BABAM2: variants seen among roughly 807,000 people sequenced by gnomAD.
BABAM2 encodes the protein BRISC and BRCA1 A complex member 2.
BABAM2 carries 31 observed loss-of-function variants against 54.7 expected under a neutral mutation model. The ratio of observed to expected loss-of-function variants is 0.57; its 90% CI spans 0.43 to 0.77. The LOEUF (loss-of-function observed/expected upper bound fraction) is 0.77, where lower values mean the gene tolerates loss of function less well. Ranked by LOEUF, BABAM2 falls within the 30% of genes least tolerant of loss-of-function variation. The pLI, the probability that BABAM2 is intolerant of heterozygous loss-of-function variation, is 0.00. For synonymous variants in BABAM2, 167 were observed against 162.9 expected (o/e 1.03, Z -0.19); for missense variants, 364 against 455.8 (o/e 0.80, Z 1.83).
chr2:28,178,103 A>G (rs1289538115), intron 7 of BABAM2, among the ~76,000 whole-genome samples: 1 of 152,144 alleles, frequency 6.6e-6, no homozygotes, highest in Non-Finnish European at 1.5e-5. Flanking sequence ...GACAGAAATT[A>G]ACAAAGAAAT....
upstream of BABAM2, chr2:27,890,199 A>T: frequency 6.5e-7 from 1 of 1,541,316 alleles, no homozygotes; most frequent in Non-Finnish European, 8.9e-7. The surrounding 1 kb of genome is among the most constrained non-coding windows in gnomAD (Gnocchi z 4.8). Context: ...CTGGGCGCAT[A>T]GCGCACGGCA....
rs1470228451 is a variant in BABAM2, at chr2:27,902,663, C to G, written c.128+7979C>G. Among the ~76,000 whole-genome samples, 73 of 151,984 alleles carry G rather than the reference C, an allele frequency of 4.8e-4. 1 individual carries two copies. Among genetic ancestry groups the G allele is most frequent in the Admixed American group, 4.8e-3 (73 of 15,256 alleles). Reference sequence around the variant, plus strand: ...TTCAGATTTCTTCCTTTGGGATATCCTTTGTTCGTCTTTTAAGTGGATTGT... The same window carrying G: ...TTCAGATTTCTTCCTTTGGGATATCGTTTGTTCGTCTTTTAAGTGGATTGT... On this transcript the variant is annotated intron_variant, in intron 2 of 11. Transcript: ENST00000379624.
At chr2:27,949,506 C>T (rs1558611798) in intron 3 of BABAM2, among the ~76,000 whole-genome samples, 1 of 151,486 alleles carries the variant, frequency 6.6e-6, no homozygotes, top group Non-Finnish European at 1.5e-5. Flanking sequence ...TGCGCTCCAA[C>T]CTGGGCGACA....
chr2:28,023,263 G>C (rs545622253), intron 4 of BABAM2, among the ~76,000 whole-genome samples: 37 of 152,238 alleles, frequency 2.4e-4, no homozygotes, highest in Non-Finnish European at 4.9e-4. Context: ...AAGGAGAAAT[G>C]ACAGAATTTA....
At position 28,162,908 on chromosome 2, in the gene BABAM2, T is replaced by C. The variant is rs183135389; in HGVS notation, c.680+33528T>C. On this transcript the variant is annotated intron_variant, in intron 7 of 11. Coordinates refer to ENST00000379624, the MANE Select transcript of BABAM2 (RefSeq NM_199191.3). ...TCATAGGCCTCTAGTGACAAAGACA[T>C]GTTTAACTGCTAGATGTCAGTTTTT... Among the ~76,000 whole-genome samples the C allele has an allele frequency of 1.3e-5, 2 of 152,342 alleles. 1 individual carries two copies. The highest frequency in any genetic ancestry group is 1.3e-4 in the Admixed American group (2 of 15,302).
chr2:28,179,828 A>G (rs1329707734), intron 7 of BABAM2, among the ~76,000 whole-genome samples: 1 of 152,228 alleles, frequency 6.6e-6, no homozygotes, highest in Non-Finnish European at 1.5e-5. Context: ...CTATACACCA[A>G]TAATGAAGTG....
chr2:28,084,762 G>T (rs1287856471), intron 6 of BABAM2, among the ~76,000 whole-genome samples: 5 of 152,118 alleles, frequency 3.3e-5, no homozygotes, highest in Non-Finnish European at 7.4e-5. Context: ...CATGAGACGT[G>T]AAAACTTGGC....
chr2:28,058,141 C>CAAAA (rs577500237), intron 6 of BABAM2, among the ~76,000 whole-genome samples: 1 of 133,302 alleles, frequency 7.5e-6, no homozygotes, highest in Non-Finnish European at 1.6e-5. Context: ...GAGACTGTCT[C>CAAAA]AAAAAAAAAA....
At chr2:28,040,324 G>A (rs1170275634) in intron 5 of BABAM2, among the ~76,000 whole-genome samples, 2 of 60,120 alleles carry the variant, frequency 3.3e-5, no homozygotes, top group South Asian at 1.3e-3. Context: ...TTTTTGAGAC[G>A]GAGTCTCGCT....
intron 7 of BABAM2, among the ~76,000 whole-genome samples, chr2:28,161,769 C>G (rs1038293346): frequency 6.6e-6 from 1 of 152,184 alleles, no homozygotes; most frequent in Non-Finnish European, 1.5e-5. Flanking sequence ...ACAGCAGTTA[C>G]TTAATGCCAA....
chr2:28,100,005 G>A (rs1666942820), intron 6 of BABAM2, among the ~76,000 whole-genome samples: 1 of 152,022 alleles, frequency 6.6e-6, no homozygotes, highest in African/African-American at 2.4e-5. Context: ...GTTGCTGCAT[G>A]TACTTAGCTT....
At chr2:28,003,667 G>A (rs1673738521) in intron 4 of BABAM2, among the ~76,000 whole-genome samples, 1 of 152,114 alleles carries the variant, frequency 6.6e-6, no homozygotes, top group African/African-American at 2.4e-5. Flanking sequence ...ATGAACATGG[G>A]CGAGACAGAT....
At chr2:27,987,361 A>G (rs913275758) in intron 3 of BABAM2, among the ~76,000 whole-genome samples, 1 of 152,236 alleles carries the variant, frequency 6.6e-6, no homozygotes, top group Non-Finnish European at 1.5e-5. Flanking sequence ...AAGGCTTACT[A>G]ATTAATTAGC....
intron 6 of BABAM2, among the ~76,000 whole-genome samples, chr2:28,072,021 T>A (rs1463323657): frequency 6.6e-6 from 1 of 152,188 alleles, no homozygotes; most frequent in Non-Finnish European, 1.5e-5. Flanking sequence ...TAAACCTGGA[T>A]TCTGTTTGTT....
chr2:28,208,394 T>TCCC, intron 7 of BABAM2, among the ~76,000 whole-genome samples: 1 of 152,228 alleles, frequency 6.6e-6, no homozygotes, highest in Non-Finnish European at 1.5e-5. Flanking sequence ...TTAAATTTTG[T>TCCC]ATTGTTGTTT....
intron 3 of BABAM2, among the ~76,000 whole-genome samples, chr2:27,941,878 G>A (rs575392836): frequency 2.6e-4 from 40 of 152,198 alleles, no homozygotes; most frequent in African/African-American, 9.6e-4. Context: ...TACTTAAATG[G>A]AATGTACCAT....
In BABAM2 at chr2:28,186,336, A is replaced by G. The variant is rs376405278; in HGVS notation, c.681-50866A>G. Among the ~76,000 whole-genome samples the G allele has an allele frequency of 2.6e-5, 4 of 152,162 alleles. No homozygotes were observed. In the South Asian group the frequency reaches 8.3e-4, roughly 31 times the overall value. On this transcript the variant is annotated intron_variant, in intron 7 of 11. Coordinates refer to ENST00000379624, the MANE Select transcript of BABAM2 (RefSeq NM_199191.3). The stretch of plus-strand genomic sequence containing the variant: ...GTACCCCACTCACTTCACAGTCCCC[A>G]TGTCCTTCACTGGATTGTTTCAAAG...
intron 2 of BABAM2, among the ~76,000 whole-genome samples, chr2:27,903,540 T>G (rs1330218836): frequency 6.6e-6 from 1 of 152,130 alleles, no homozygotes; most frequent in African/African-American, 2.4e-5. Flanking sequence ...GAACTGAGAT[T>G]TAAGTTGAAT....
At chr2:28,198,235 C>T (rs938087024) in intron 7 of BABAM2, among the ~76,000 whole-genome samples, 10 of 151,884 alleles carry the variant, frequency 6.6e-5, no homozygotes, top group Admixed American at 3.3e-4. Context: ...ACAATCTCGG[C>T]TCACTGCAAG....
Sources: allele counts gnomAD v4.1 joint callset (sites outside exome capture counted in the v4.1 genomes callset), GRCh38; gene constraint gnomAD v4.1.1; non-coding constraint Gnocchi (gnomAD v3.1); transcripts MANE v1.5; gene names NCBI Gene and HGNC (gene_info 2026-07-23, HGNC 2026-07-21).